ERG: variants seen among roughly 807,000 people sequenced by gnomAD.
ERG encodes the protein transcriptional regulator ERG.
A neutral mutation model predicts 55.3 loss-of-function variants in ERG; 9 were observed. The observed-to-expected ratio is 0.16, with a 90% confidence interval of 0.10 to 0.28. The LOEUF (loss-of-function observed/expected upper bound fraction) is 0.28, where lower values mean the gene tolerates loss of function less well. ERG is among the 10% of genes least tolerant of loss of function. The pLI, the probability that ERG is intolerant of heterozygous loss-of-function variation, is 1.00. For synonymous variants in ERG, 223 were observed against 237.3 expected (o/e 0.94, Z 0.55); for missense variants, 434 against 631.6 (o/e 0.69, Z 3.35).
rs537728845 is a variant in ERG at position 38,596,777 on chromosome 21, C to T, written c.-149-11832G>A. The stretch of plus-strand genomic sequence containing the variant: ...AGCCAAGATGGCCTTCTTGAGAAGA[C>T]TGAAGAACATGGTTGGTTTCAGGCT... On this transcript the variant is annotated intron_variant, in intron 1 of 10. Transcript: ENST00000398910. Among the ~76,000 whole-genome samples the T allele has an allele frequency of 9.8e-5, 15 of 152,316 alleles. No homozygotes were observed. The South Asian group carries it at 2.9e-3, about 29-fold the overall frequency.
intron 1 of ERG, among the ~76,000 whole-genome samples, chr21:38,654,701 G>A (rs966392553): frequency 2.0e-5 from 3 of 151,988 alleles, no homozygotes; most frequent in Admixed American, 6.6e-5. Flanking sequence ...TTTTACTGTC[G>A]GGGTCAAATA....
At chr21:38,653,299 C>T (rs896097180) in intron 1 of ERG, among the ~76,000 whole-genome samples, 10 of 152,306 alleles carry the variant, frequency 6.6e-5, no homozygotes, top group South Asian at 2.1e-4. Flanking sequence ...TGCCTTCCAC[C>T]ACACAGTCTG....
intron 2 of ERG, among the ~76,000 whole-genome samples, chr21:38,530,133 C>G (rs978953593): frequency 3.9e-5 from 6 of 152,044 alleles, no homozygotes; most frequent in Admixed American, 1.3e-4. Flanking sequence ...GAACTCAGCT[C>G]ACTGCAACCT....
At chr21:38,372,616 C>T in the ERG span, among the ~76,000 whole-genome samples, 1 of 151,836 alleles carries the variant, frequency 6.6e-6, no homozygotes, top group South Asian at 2.1e-4. Flanking sequence ...AATTTTTCTA[C>T]TTAACTTTTA....
intron 1 of ERG, among the ~76,000 whole-genome samples, chr21:38,599,253 G>T (rs1165900026): frequency 1.3e-5 from 2 of 152,124 alleles, no homozygotes; most frequent in African/African-American, 4.8e-5. Flanking sequence ...CAGGTGGCTG[G>T]ACTTGCAGGG....
intron 2 of ERG, among the ~76,000 whole-genome samples, chr21:38,522,967 G>C (rs992805394): frequency 6.6e-6 from 1 of 152,290 alleles, no homozygotes; most frequent in Middle Eastern, 3.4e-3. Context: ...CATAAAATAT[G>C]TTTGGGGAAG....
At chr21:38,402,445 C>A in intron 5 of ERG, 112 bp downstream of exon 5, 1 of 734,374 alleles carries the variant, frequency 1.4e-6, no homozygotes, top group East Asian at 2.7e-5. Flanking sequence ...TCTGAATCAT[C>A]TACCTGCGTT....
At chr21:38,539,491 A>C (rs573574856) in intron 2 of ERG, among the ~76,000 whole-genome samples, 27 of 152,342 alleles carry the variant, frequency 1.8e-4, no homozygotes, top group African/African-American at 6.5e-4. Flanking sequence ...AAAATGTAAA[A>C]TTACATGATT....
At chr21:38,449,809 T>C (rs948027504) in intron 1 of ERG, among the ~76,000 whole-genome samples, 1 of 152,218 alleles carries the variant, frequency 6.6e-6, no homozygotes, top group Non-Finnish European at 1.5e-5. Flanking sequence ...GAATCCATCA[T>C]ACTTAACCTC....
chr21:38,501,963 AG>A (rs1213271923), upstream of ERG, among the ~76,000 whole-genome samples: 2 of 152,240 alleles, frequency 1.3e-5, no homozygotes, highest in Non-Finnish European at 2.9e-5. Flanking sequence ...CATTTTCTAA[AG>A]ATCGAACAAG....
At chr21:38,519,415 G>A (rs2059577029) in intron 2 of ERG, among the ~76,000 whole-genome samples, 1 of 152,180 alleles carries the variant, frequency 6.6e-6, no homozygotes, top group Admixed American at 6.5e-5. Flanking sequence ...GAACACAGGA[G>A]AGGATAAACA....
intron 1 of ERG, among the ~76,000 whole-genome samples, chr21:38,482,428 GT>G (rs1437550649): frequency 3.3e-5 from 5 of 152,204 alleles, no homozygotes; most frequent in Non-Finnish European, 5.9e-5. Context: ...AACATGGAAT[GT>G]TGCAGACACT....
chr21:38,646,721 G>C (rs148978287), intron 1 of ERG, among the ~76,000 whole-genome samples: 284 of 152,244 alleles, frequency 1.9e-3, no homozygotes, highest in African/African-American at 6.5e-3. Flanking sequence ...GCCCAGTTTT[G>C]TTTCTCTTGA....
At chr21:38,423,317 T>C in intron 3 of ERG, 93 bp downstream of exon 3, 1 of 1,345,060 alleles carries the variant, frequency 7.4e-7, no homozygotes, top group Non-Finnish European at 1.0e-6. Context: ...ATGTGATCAA[T>C]GCCACAGGTG....
chr21:38,416,228 G>T (rs772761349), intron 3 of ERG, among the ~76,000 whole-genome samples: 1 of 152,200 alleles, frequency 6.6e-6, no homozygotes, highest in Non-Finnish European at 1.5e-5. Flanking sequence ...GTAACTCAGC[G>T]CTCACAGAAG....
chr21:38,539,805 C>T (rs1352034461), intron 2 of ERG, among the ~76,000 whole-genome samples: 2 of 152,036 alleles, frequency 1.3e-5, no homozygotes, highest in South Asian at 4.1e-4. Context: ...CATGCTCTGA[C>T]CCCAGGTTGG....
rs1048063024 is a variant in ERG at position 38,380,839 on chromosome 21, G to A, written c.*2564C>T. 2 of 1,064,950 alleles carry A rather than the reference G, an allele frequency of 1.9e-6. No homozygotes were observed. The highest frequency in any genetic ancestry group is 3.3e-5 in the African/African-American group (2 of 61,040). 66.0% of individuals were successfully genotyped at this position (1,064,950 alleles called of 1,614,324 possible). ...GTCTTGTTTTTATGATCTTGCTCATGAGACAGTCTTGAAGAGAGAACTGAG... is the reference window on the plus strand; with the variant it reads ...GTCTTGTTTTTATGATCTTGCTCATAAGACAGTCTTGAAGAGAGAACTGAG... On this transcript the variant is annotated 3_prime_UTR_variant, in exon 10 of 10. Coordinates refer to ENST00000288319, the MANE Select transcript of ERG (RefSeq NM_182918.4).
chr21:38,643,189 C>T (rs2060435552), intron 1 of ERG, among the ~76,000 whole-genome samples: 1 of 152,204 alleles, frequency 6.6e-6, no homozygotes, highest in South Asian at 2.1e-4. Flanking sequence ...TGGCACAATA[C>T]ACGTACTGTC....
intron 2 of ERG, among the ~76,000 whole-genome samples, chr21:38,551,600 T>G (rs2059824792): frequency 6.6e-6 from 1 of 152,258 alleles, no homozygotes; most frequent in Non-Finnish European, 1.5e-5. Context: ...TTAGTTTCAT[T>G]GTTTACCCAA....
Sources: gnomAD v4.1 joint callset for allele counts (sites outside exome capture counted in the v4.1 genomes callset) on GRCh38, gnomAD v4.1.1 for gene constraint, MANE v1.5 for transcripts, NCBI Gene and HGNC (gene_info 2026-07-23, HGNC 2026-07-21) for gene names.